Variants in RPS25 observed in about 807,000 individuals in gnomAD.
The protein encoded by RPS25 is ribosomal protein S25.
Under a neutral mutation model 14.4 loss-of-function variants are expected in RPS25, and 1 was observed. The ratio of observed to expected loss-of-function variants is 0.07; its 90% CI spans 0.02 to 0.33. RPS25 has a LOEUF of 0.33. Among genes scored for constraint, RPS25 ranks in the 10% least tolerant of loss-of-function variants. The pLI is 1.00. For synonymous variants in RPS25, 63 were observed against 53.8 expected, an observed-to-expected ratio of 1.17 and a Z score of -0.75; for missense variants, 65 against 144.6, an observed-to-expected ratio of 0.45 and a Z score of 2.82.
chr11:119,015,974 C>G, intron 3 of RPS25, 35 bp from the exon 4 acceptor site: 2 of 1,278,340 alleles, frequency 1.6e-6, no homozygotes, highest in East Asian at 4.6e-5. Flanking sequence ...AGATGCTTAA[C>G]AGATGCTACA....
chr11:119,015,963 G>A (rs781984754), intron 3 of RPS25, 24 bp from the exon 4 acceptor site: 38 of 1,388,852 alleles, frequency 2.7e-5, no homozygotes, highest in Non-Finnish European at 3.9e-5. Context: ...ATAGCACGAT[G>A]AGATGCTTAA....
rs371246256 is a variant in RPS25 at position 119,015,828 on chromosome 11, C to T, written c.*4+13G>A. 9.1e-6 allele frequency: 14 copies of T among 1,541,022 alleles called. No homozygotes were observed. In the East Asian group the frequency reaches 1.6e-4, roughly 17 times the overall value. ...CTACCTCCTACACCATGAGCCCACA[C>T]ATTCCTACTCACCTATTCATGCATC... On this transcript the variant is annotated intron_variant, in intron 4 of 4. Coordinates refer to ENST00000527673, the MANE Select transcript of RPS25 (RefSeq NM_001028.3).
At position 119,015,920 on chromosome 11, in the gene RPS25, T is replaced by C; in HGVS notation, c.303A>G (p.Ser101=). Residue 101 remains serine (S), a synonymous_variant, in exon 4 of 5, where the codon TCA becomes TCG. Transcript: ENST00000527673. ...LLSKGLIKLV[S]KHRAQVIYTR... ...TGTAAATTACTTGAGCTCTGTGCTT[T>C]GAAACCAGTTTGATAAGTCCTAGGG... 6.2e-7 allele frequency: 1 copy of C among 1,605,100 alleles called. No individual in the cohort carries two copies. Among genetic ancestry groups the C allele is most frequent in the Non-Finnish European group, 8.5e-7 (1 of 1,171,882 alleles).
At chr11:119,016,539 G>A (rs539678411) in intron 3 of RPS25, among the ~76,000 whole-genome samples, 1 of 152,070 alleles carries the variant, frequency 6.6e-6, no homozygotes, top group Non-Finnish European at 1.5e-5. Context: ...CCTGGCTCCA[G>A]AATTGCTTAA....
In RPS25 at chr11:119,015,754, T is replaced by C; in HGVS notation, c.*9A>G. On this transcript the variant is annotated 3_prime_UTR_variant, in exon 5 of 5. Coordinates refer to ENST00000527673, the MANE Select transcript of RPS25 (RefSeq NM_001028.3). ...TTATTTTTCCAAATGTACAGCTGGT[T>C]GGACCTGTAAAAAAAAATTAAAAGA... 2 of 1,257,748 alleles carry C rather than the reference T, an allele frequency of 1.6e-6. No individual in the cohort carries two copies. The highest frequency in any genetic ancestry group is 2.5e-5 in the South Asian group (2 of 79,602). The allele number at this position is 1,257,748 out of a possible 1,614,324, so 77.9% of individuals were successfully genotyped here.
At chr11:119,017,656 T>C (rs960646008) in intron 2 of RPS25, 111 bp from the exon 3 acceptor site, 34 of 1,024,748 alleles carry the variant, frequency 3.3e-5, no homozygotes, top group Middle Eastern at 4.2e-4. Context: ...AAGGATAAAT[T>C]ACACATTACT....
intron 1 of RPS25, 43 bp from the exon 2 acceptor site, chr11:119,018,096 G>T (rs1375487580): frequency 3.1e-6 from 5 of 1,590,192 alleles, no homozygotes; most frequent in Non-Finnish European, 4.3e-6. Context: ...CTCAAATAGC[G>T]CCAAAGTCCC....
chr11:119,015,917 C>T lies in RPS25; in HGVS notation c.306G>A (p.Lys102=), dbSNP rs1304717369. 6.2e-7 allele frequency: 1 copy of T among 1,606,592 alleles called. No individual in the cohort carries two copies. The highest frequency in any genetic ancestry group is 1.7e-5 in the Admixed American group (1 of 59,986). ...LSKGLIKLVS[K]HRAQVIYTRN... is the part of the protein sequence containing the mutation. ...TGGTGTAAATTACTTGAGCTCTGTG[C>T]TTTGAAACCAGTTTGATAAGTCCTA... is the stretch of plus-strand genomic sequence containing the variant. Residue 102 remains lysine (K), a synonymous_variant, in exon 4 of 5, where the codon AAG becomes AAA. Coordinates refer to ENST00000527673, the MANE Select transcript of RPS25 (RefSeq NM_001028.3).
chr11:119,017,840 C>CT, intron 2 of RPS25, 118 bp downstream of exon 2: 1 of 822,742 alleles, frequency 1.2e-6, no homozygotes, highest in African/African-American at 1.7e-5. Context: ...AAGATAAACT[C>CT]TCACATTTTG....
In RPS25 at chr11:119,017,970, C is replaced by T. The variant is rs376662553; in HGVS notation, c.87G>A (p.Lys29=). ...DKDPVNKSGG[K]AKKKKWSKGK... ...GTCTTATTTCTACCTTCTTTTTGGC[C>T]TTGCCCCCGGATTTGTTCACTGGGT... The change falls in exon 2 of 5, where the codon AAG becomes AAA. Residue 29 remains lysine, a synonymous_variant. Transcript: ENST00000527673. 7 of 1,612,390 alleles carry T rather than the reference C, an allele frequency of 4.3e-6. No individual in the cohort carries two copies. Among genetic ancestry groups the T allele is most frequent in the African/African-American group, 1.3e-5 (1 of 74,982 alleles).
intron 3 of RPS25, among the ~76,000 whole-genome samples, chr11:119,017,083 C>T (rs1042473166): frequency 2.0e-5 from 3 of 152,146 alleles, no homozygotes; most frequent in Admixed American, 6.5e-5. Flanking sequence ...ATTTCAAAAA[C>T]GGTTGTCCCT....
chr11:119,016,062 C>T, intron 3 of RPS25, 123 bp from the exon 4 acceptor site: 1 of 622,768 alleles, frequency 1.6e-6, no homozygotes, highest in Non-Finnish European at 3.0e-6. Flanking sequence ...TGGAGACGGG[C>T]AGATAGCTTG....
chr11:119,017,470 A>G lies in RPS25; in HGVS notation c.175T>C (p.Cys59Arg). ...AGTTTATAGTTGGGAACTTCCTTAC[A>G]GAGTTTATCATAGGTAGCTTTGTCA... is the stretch of plus-strand genomic sequence containing the variant. ...LFDKATYDKL[C>R]KEVPNYKLIT... The change falls in exon 3 of 5, where the codon TGT becomes CGT. Residue 59 changes from cysteine (C) to arginine (R), a missense_variant. Transcript: ENST00000527673. 6.2e-7 allele frequency: 1 copy of G among 1,614,150 alleles called. No homozygotes were observed. The highest frequency in any genetic ancestry group is 8.5e-7 in the Non-Finnish European group (1 of 1,179,976).
At chr11:119,017,795 T>G (rs1943199490) in intron 2 of RPS25, 163 bp downstream of exon 2, 2 of 683,932 alleles carry the variant, frequency 2.9e-6, no homozygotes, top group Non-Finnish European at 5.0e-6. Flanking sequence ...CCCATTTTCA[T>G]GATCCTAATG....
intron 1 of RPS25, 75 bp from the exon 2 acceptor site, chr11:119,018,128 C>T: frequency 1.3e-6 from 2 of 1,561,126 alleles, no homozygotes; most frequent in African/African-American, 1.4e-5. Context: ...CCCTCAGCCC[C>T]CGCAAACTCC....
intron 2 of RPS25, 47 bp from the exon 3 acceptor site, chr11:119,017,592 G>A (rs1420813089): frequency 1.3e-6 from 2 of 1,535,524 alleles, no homozygotes; most frequent in East Asian, 2.3e-5. Flanking sequence ...TCTGGCAGAA[G>A]CACCCTTTCC....
chr11:119,018,155 G>C, intron 1 of RPS25, 102 bp from the exon 2 acceptor site: 1 of 1,564,350 alleles, frequency 6.4e-7, no homozygotes, highest in Non-Finnish European at 8.8e-7. Flanking sequence ...AGAGCACATG[G>C]GCCAAGCAAT....
chr11:119,017,789 T>C, intron 2 of RPS25, 169 bp downstream of exon 2: 1 of 677,152 alleles, frequency 1.5e-6, no homozygotes. Flanking sequence ...AACAGACCCA[T>C]TTTCATGATC....
Position 119,015,855 on chromosome 11 carries a change from TCAC to T in RPS25, c.365_367del (p.Gly122del), listed in dbSNP as rs1215777450. 6 of 1,601,282 alleles carry T rather than the reference TCAC, an allele frequency of 3.7e-6. No homozygotes were observed. The Admixed American group carries it at 5.0e-5, about 13-fold the overall frequency. Reference sequence around the variant, plus strand: ...TTCCTACTCACCTATTCATGCATCTTCACCAGCAGCTGGAGCATCTCCACCCTT... The same window carrying T: ...TTCCTACTCACCTATTCATGCATCTTCAGCAGCTGGAGCATCTCCACCCTT... On this transcript the variant is annotated inframe_deletion, in exon 4 of 5. Transcript: ENST00000527673.
Sources: allele counts gnomAD v4.1 joint callset (sites outside exome capture counted in the v4.1 genomes callset), GRCh38; gene constraint gnomAD v4.1.1; transcripts MANE v1.5; gene names NCBI Gene and HGNC (gene_info 2026-07-23, HGNC 2026-07-21).